The following MCTP2 variants were observed in gnomAD, a reference collection of about 807,000 sequenced individuals.
The protein encoded by MCTP2 is multiple C2 and transmembrane domain-containing protein 2.
A neutral mutation model predicts 111.6 loss-of-function variants in MCTP2; 132 were observed. That is an observed-to-expected ratio of 1.18 (90% CI 1.03 to 1.37). The LOEUF (loss-of-function observed/expected upper bound fraction) is 1.37, where lower values mean the gene tolerates loss of function less well. Ranked by LOEUF, MCTP2 falls within the 40% of genes most tolerant of loss-of-function variation. MCTP2 has a pLI of 0.00. For synonymous variants in MCTP2, 395 were observed against 387.7 expected (o/e 1.02, Z -0.22); for missense variants, 1,183 against 1,067.9 (o/e 1.11, Z -1.50).
chr15:94,325,811 G>GTTTTTTT (rs1567428361), intron 4 of MCTP2, among the ~76,000 whole-genome samples: 1 of 89,274 alleles, frequency 1.1e-5, no homozygotes, highest in African/African-American at 5.9e-5. Context: ...CCATCGCTCC[G>GTTTTTTT]ATTTTTTTTT....
At chr15:94,451,092 G>C (rs528477827) in intron 19 of MCTP2, among the ~76,000 whole-genome samples, 2 of 152,064 alleles carry the variant, frequency 1.3e-5, no homozygotes, top group Non-Finnish European at 2.9e-5. Context: ...AAGAACAATT[G>C]TGTTACAACA....
chr15:94,385,956 G>A (rs970890971), intron 14 of MCTP2, among the ~76,000 whole-genome samples: 3 of 152,114 alleles, frequency 2.0e-5, no homozygotes, highest in African/African-American at 7.2e-5. Flanking sequence ...TTCTTTTAAA[G>A]ACCATTTTCC....
intron 8 of MCTP2, among the ~76,000 whole-genome samples, chr15:94,350,972 T>G (rs924784740): frequency 3.3e-5 from 5 of 152,118 alleles, no homozygotes; most frequent in Admixed American, 6.5e-5. Context: ...TCTTTAACTA[T>G]TTTTTTAAAT....
intron 19 of MCTP2, among the ~76,000 whole-genome samples, chr15:94,457,712 C>T (rs759103856): frequency 3.3e-5 from 5 of 152,212 alleles, no homozygotes; most frequent in Non-Finnish European, 5.9e-5. Context: ...AATCATACTA[C>T]CTCTGTCTCC....
intron 14 of MCTP2, among the ~76,000 whole-genome samples, chr15:94,390,077 T>TC (rs2080817381): frequency 8.4e-5 from 1 of 11,858 alleles, no homozygotes; most frequent in Non-Finnish European, 2.6e-4. Flanking sequence ...TATATATATA[T>TC]ATATATATAT....
At chr15:94,350,119 A>G (rs1447512337) in intron 8 of MCTP2, among the ~76,000 whole-genome samples, 1 of 152,170 alleles carries the variant, frequency 6.6e-6, no homozygotes, top group Non-Finnish European at 1.5e-5. Flanking sequence ...AAGTTTGAGA[A>G]GCCCTGGGAA....
intron 2 of MCTP2, among the ~76,000 whole-genome samples, chr15:94,304,694 G>A (rs559635211): frequency 6.6e-6 from 1 of 152,198 alleles, no homozygotes; most frequent in East Asian, 1.9e-4. Flanking sequence ...AGAATGCATG[G>A]GCTCCATGCT....
At chr15:94,300,164 A>G (rs1476778440) in intron 2 of MCTP2, among the ~76,000 whole-genome samples, 1 of 152,034 alleles carries the variant, frequency 6.6e-6, no homozygotes, top group Non-Finnish European at 1.5e-5. Context: ...TAACATTTTC[A>G]TACTCAGAAG....
At chr15:94,375,379 A>AT (rs2079710863) in intron 12 of MCTP2, among the ~76,000 whole-genome samples, 1 of 152,050 alleles carries the variant, frequency 6.6e-6, no homozygotes, top group Admixed American at 6.6e-5. Flanking sequence ...ACTCATCTTC[A>AT]TTTTTCATGT....
chr15:94,439,969 A>G (rs563718299), intron 17 of MCTP2, among the ~76,000 whole-genome samples: 3 of 152,280 alleles, frequency 2.0e-5, no homozygotes, highest in African/African-American at 4.8e-5. Context: ...GTATCTGTCT[A>G]TTCCAGAGCG....
chr15:94,235,348 C>G (rs1199988510), intron 1 of MCTP2, among the ~76,000 whole-genome samples: 1 of 152,028 alleles, frequency 6.6e-6, no homozygotes, highest in Non-Finnish European at 1.5e-5. Context: ...CTGAGATTAA[C>G]TTGTTAGAAA....
Position 94,343,255 on chromosome 15 carries a change from T to G in MCTP2, c.970-1874T>G, listed in dbSNP as rs967420685. ...TAGATTATCAGAATCTTTGTTCTTT[T>G]CATTGAGTTTGAGTTAATATTTAAA... On this transcript the variant is annotated intron_variant, in intron 7 of 22. Transcript: ENST00000357742. 2.0e-5 allele frequency: 3 copies of G among 152,100 alleles called. No individual in the cohort carries two copies. In the East Asian group the frequency reaches 5.8e-4, roughly 29 times the overall value. 9.4% of individuals were successfully genotyped at this position (152,100 alleles called of 1,614,324 possible).
At chr15:94,245,378 G>C (rs1315968650) in intron 1 of MCTP2, among the ~76,000 whole-genome samples, 1 of 122,194 alleles carries the variant, frequency 8.2e-6, no homozygotes, top group African/African-American at 3.1e-5. Flanking sequence ...ACATACATAT[G>C]TATATGTATT....
intron 21 of MCTP2, among the ~76,000 whole-genome samples, chr15:94,474,290 C>T (rs1422167889): frequency 6.6e-6 from 1 of 152,080 alleles, no homozygotes; most frequent in Non-Finnish European, 1.5e-5. Context: ...CCTTTGTCTC[C>T]TTAGCTTGTT....
At chr15:94,391,097 T>C (rs1567605983) in intron 14 of MCTP2, among the ~76,000 whole-genome samples, 1 of 152,076 alleles carries the variant, frequency 6.6e-6, no homozygotes, top group African/African-American at 2.4e-5. Flanking sequence ...CAAATGACTG[T>C]ATAATCAGAA....
At position 94,470,350 on chromosome 15, in the gene MCTP2, TCCCCTTC is replaced by T; in HGVS notation, c.2380_2386del (p.Pro794PhefsTer7). On this transcript the variant is annotated frameshift_variant, in exon 21 of 23. Transcript: ENST00000357742. LOFTEE classifies it high-confidence loss of function. ...GTCTACAGCACATTTAACTGGACGGTCCCCTTCCTTTCATCTCTGGCCTGTTTGATTC... is the reference window on the plus strand; with the variant it reads ...GTCTACAGCACATTTAACTGGACGGTCTTTCATCTCTGGCCTGTTTGATTC... The T allele has an allele frequency of 2.5e-6, 4 of 1,612,462 alleles. No homozygotes were observed. The highest frequency in any genetic ancestry group is 3.4e-6 in the Non-Finnish European group (4 of 1,178,472).
At position 94,367,599 on chromosome 15, in the gene MCTP2, T is replaced by A. The variant is rs375188604; in HGVS notation, c.1302-6T>A. 3 of 1,604,224 alleles carry A rather than the reference T, an allele frequency of 1.9e-6. No homozygotes were observed. In the African/African-American group the frequency reaches 4.1e-5, roughly 22 times the overall value. ...TTCTCTCTCTTGATTCCTGAAACTTTTCTAGGTGTAAAGTGGATATCTCGG... is the reference window on the plus strand; with the variant it reads ...TTCTCTCTCTTGATTCCTGAAACTTATCTAGGTGTAAAGTGGATATCTCGG... On this transcript the variant is annotated splice_polypyrimidine_tract_variant and splice_region_variant and intron_variant, in intron 10 of 22. Transcript: ENST00000357742.
At chr15:94,283,045 G>C (rs1228975840) in intron 1 of MCTP2, among the ~76,000 whole-genome samples, 1 of 152,060 alleles carries the variant, frequency 6.6e-6, no homozygotes, top group Non-Finnish European at 1.5e-5. Context: ...AGGAGGCTGT[G>C]GGTGGGTGCA....
At chr15:94,350,855 CTTG>C (rs1452163853) in intron 8 of MCTP2, among the ~76,000 whole-genome samples, 1 of 151,910 alleles carries the variant, frequency 6.6e-6, no homozygotes, top group Non-Finnish European at 1.5e-5. Context: ...TCACATGGCC[CTTG>C]TTGTTGTGTT....
Sources: gnomAD v4.1 joint callset for allele counts (sites outside exome capture counted in the v4.1 genomes callset) on GRCh38, gnomAD v4.1.1 for gene constraint, MANE v1.5 for transcripts, NCBI Gene and HGNC (gene_info 2026-07-23, HGNC 2026-07-21) for gene names.